SNX19: variants seen among roughly 807,000 people sequenced by gnomAD.
The protein encoded by SNX19 is sorting nexin 19, also known as sorting nexin-19.
In SNX19, 60 loss-of-function variants were observed where a neutral mutation model predicts 85.2. That is an observed-to-expected ratio of 0.70 (90% CI 0.57 to 0.87). SNX19 has a LOEUF of 0.87. Among genes scored for constraint, SNX19 ranks in the 40% least tolerant of loss-of-function variants. The probability of loss-of-function intolerance (pLI) is 0.00; values close to 1 mark genes in which losing one functional copy is unlikely to be tolerated. For synonymous variants in SNX19, 520 were observed against 470.0 expected, an observed-to-expected ratio of 1.11 and a Z score of -1.38; for missense variants, 1,201 against 1,217.8, an observed-to-expected ratio of 0.99 and a Z score of 0.21.
intron 10 of SNX19, among the ~76,000 whole-genome samples, 190 bp downstream of exon 10, chr11:130,879,434 G>A (rs1306912501): frequency 7.2e-6 from 1 of 138,126 alleles, no homozygotes; most frequent in Non-Finnish European, 1.5e-5. Context: ...CTGCTCAGAA[G>A]CCTGATGGTG....
At chr11:130,914,187 C>T (rs1425501283) in intron 1 of SNX19, 79 bp downstream of exon 1, 1 of 1,234,920 alleles carries the variant, frequency 8.1e-7, no homozygotes, top group Non-Finnish European at 1.1e-6. Flanking sequence ...GCATCTCTCC[C>T]CCAAGAACAT....
chr11:130,912,614 G>C (rs1443041894), intron 1 of SNX19, among the ~76,000 whole-genome samples: 1 of 152,148 alleles, frequency 6.6e-6, no homozygotes, highest in Admixed American at 6.5e-5. Flanking sequence ...GCAAGAGGTG[G>C]AAAAAACTAC....
In SNX19 at chr11:130,879,645, A is replaced by G. The variant is rs1302603982; in HGVS notation, c.2825T>C (p.Leu942Pro). 3 of 1,613,812 alleles carry G rather than the reference A, an allele frequency of 1.9e-6. No individual in the cohort carries two copies. The highest frequency in any genetic ancestry group is 2.5e-6 in the Non-Finnish European group (3 of 1,179,894). ...TTACCTGTTGATGAGGGGTTGTTGTAGTGACTCCAGGACTAGACCCCAGCT... is the reference window on the plus strand; with the variant it reads ...TTACCTGTTGATGAGGGGTTGTTGTGGTGACTCCAGGACTAGACCCCAGCT... ...RLSWGLVLES[L>P]QQPLINRHLI... Residue 942 changes from leucine to proline, a missense_variant, in exon 10 of 11, where the codon CTA (leucine) becomes CCA (proline). Physicochemically the swap from Leu to Pro is moderately conservative, Grantham distance 98. Around this residue, in one of 3 missense-constraint regions of SNX19, gnomAD observed 285 missense variants for 295.3 expected, o/e 0.97. Transcript: ENST00000265909.
At position 130,866,503 on chromosome 11, in the gene SNX19, G is replaced by C. The variant is rs1407918497; in HGVS notation, c.*11919C>G. On this transcript the variant is annotated 3_prime_UTR_variant, in exon 11 of 11. Transcript: ENST00000265909. Reference sequence around the variant, plus strand: ...CCATTGCAATGAGTTACCCAATCAAGCCCTTTTACCTCCTTAAGATGGCAG... The same window carrying C: ...CCATTGCAATGAGTTACCCAATCAACCCCTTTTACCTCCTTAAGATGGCAG... 1 of 152,186 alleles carries C rather than the reference G, an allele frequency of 6.6e-6. No homozygotes were observed. The highest frequency in any genetic ancestry group is 1.9e-4 in the East Asian group (1 of 5,198). The allele number at this position is 152,186 out of a possible 1,614,324, so 9.4% of individuals were successfully genotyped here. A position where few individuals can be genotyped will look rare whatever the true frequency, so the allele number is the denominator to read the frequency against.
Position 130,869,443 on chromosome 11 carries a change from A to G in SNX19, c.*8979T>C, listed in dbSNP as rs958879605. The G allele has an allele frequency of 1.3e-5, 2 of 152,330 alleles. No individual in the cohort carries two copies. The highest frequency in any genetic ancestry group is 4.1e-4 in the South Asian group (2 of 4,824). The allele number at this position is 152,330 out of a possible 1,614,324, so 9.4% of individuals were successfully genotyped here. On this transcript the variant is annotated 3_prime_UTR_variant, in exon 11 of 11. Coordinates refer to ENST00000265909, the MANE Select transcript of SNX19 (RefSeq NM_014758.3). ...TCAGTATTTTCTCATCAGTTTTCAG[A>G]AAGTTTTTCGAGGATAAACTTGTAG...
chr11:130,884,421 G>A (rs530324202), intron 8 of SNX19, among the ~76,000 whole-genome samples: 1 of 152,168 alleles, frequency 6.6e-6, no homozygotes, highest in African/African-American at 2.4e-5. Context: ...AAGTGGAAGG[G>A]ATGGAATTTA....
At chr11:130,906,179 G>C in intron 6 of SNX19, 46 bp from the exon 7 acceptor site, 1 of 1,584,842 alleles carries the variant, frequency 6.3e-7, no homozygotes, top group South Asian at 1.2e-5. Context: ...GCTGACAGTA[G>C]GGGAGCAAAT....
In SNX19 at chr11:130,915,617, ATCT is replaced by A. The variant is rs1358742259; in HGVS notation, c.320_322del (p.Gln107_Met108delinsLeu). 1.2e-6 allele frequency: 2 copies of A among 1,614,088 alleles called. No individual in the cohort carries two copies. The highest frequency in any genetic ancestry group is 1.7e-6 in the Non-Finnish European group (2 of 1,180,032). On this transcript the variant is annotated inframe_deletion, in exon 1 of 11. Transcript: ENST00000265909. ...AGATAACACAAAATCTCGAATAATC[ATCT>A]GGATGGTGCGGTTGATCTCCCGTTC...
intron 6 of SNX19, 48 bp from the exon 7 acceptor site, chr11:130,906,181 G>A (rs768258102): frequency 6.3e-6 from 10 of 1,580,316 alleles, no homozygotes; most frequent in Non-Finnish European, 1.7e-6. Flanking sequence ...TGACAGTAGG[G>A]GAGCAAATGC....
chr11:130,897,254 T>C (rs1258013825), intron 8 of SNX19, among the ~76,000 whole-genome samples: 1 of 152,082 alleles, frequency 6.6e-6, no homozygotes, highest in East Asian at 1.9e-4. Flanking sequence ...CTCTGGATAC[T>C]TCCTAACTTT....
At chr11:130,900,700 A>G (rs1230039943) in intron 8 of SNX19, among the ~76,000 whole-genome samples, 1 of 152,140 alleles carries the variant, frequency 6.6e-6, no homozygotes, top group African/African-American at 2.4e-5. Context: ...TCGTGTTCTG[A>G]AACCAATCTG....
intron 8 of SNX19, among the ~76,000 whole-genome samples, chr11:130,902,180 T>A (rs1315353165): frequency 6.6e-6 from 1 of 152,246 alleles, no homozygotes; most frequent in Non-Finnish European, 1.5e-5. Context: ...TATTTTCTCA[T>A]TCTGTAAAAT....
rs1489416110 is a variant in SNX19, at chr11:130,916,146, C to T, written c.-207G>A. The T allele has an allele frequency of 2.7e-5, 16 of 584,184 alleles. No homozygotes were observed. In the South Asian group the frequency reaches 2.8e-4, roughly 10 times the overall value. 36.2% of individuals were successfully genotyped at this position (584,184 alleles called of 1,614,324 possible). A position where few individuals can be genotyped will look rare whatever the true frequency, so the allele number is the denominator to read the frequency against. Reference sequence around the variant, plus strand: ...TCCCCATGGCTACCACTAACAGAGCCCTCCAACTCGCCCCTTCCAGCTGAG... The same window carrying T: ...TCCCCATGGCTACCACTAACAGAGCTCTCCAACTCGCCCCTTCCAGCTGAG... On this transcript the variant is annotated 5_prime_UTR_variant, in exon 1 of 11. Transcript: ENST00000265909.
At chr11:130,914,185 C>T in intron 1 of SNX19, 81 bp downstream of exon 1, 2 of 1,199,682 alleles carry the variant, frequency 1.7e-6, no homozygotes, top group Non-Finnish European at 2.3e-6. Context: ...CAGCATCTCT[C>T]CCCCAAGAAC....
Position 130,908,066 on chromosome 11 carries a change from A to G in SNX19, c.2052T>C (p.Ile684=), listed in dbSNP as rs1369609867. 6.2e-7 allele frequency: 1 copy of G among 1,613,974 alleles called. No homozygotes were observed. Among genetic ancestry groups the G allele is most frequent in the East Asian group, 2.2e-5 (1 of 44,886 alleles). The change falls in exon 5 of 11, where the codon ATT becomes ATC. Residue 684 remains isoleucine (I), a synonymous_variant. Coordinates refer to ENST00000265909, the MANE Select transcript of SNX19 (RefSeq NM_014758.3). ...SRIDKMVVSA[I]VDTLKTAFPR... ...GAAACGCTGTCTTCAAGGTGTCCAC[A>G]ATGGCACTCACCACCATCTGCAGGG... is the stretch of plus-strand genomic sequence containing the variant.
Position 130,869,159 on chromosome 11 carries a change from A to G in SNX19, c.*9263T>C, listed in dbSNP as rs11222365. ...GAAGACAGACCAACAGGCAAACCCT[A>G]AGGGCGGGTTAGAAAGAAGCTTGAC... On this transcript the variant is annotated 3_prime_UTR_variant, in exon 11 of 11. Coordinates refer to ENST00000265909, the MANE Select transcript of SNX19 (RefSeq NM_014758.3). 0.026 allele frequency: 4,030 copies of G among 152,368 alleles called. 84 individuals carry two copies. Among genetic ancestry groups the G allele is most frequent in the South Asian group, 0.076 (368 of 4,828 alleles). 9.4% of individuals were successfully genotyped at this position (152,368 alleles called of 1,614,324 possible).
chr11:130,907,765 C>T (rs1304745681), intron 5 of SNX19, among the ~76,000 whole-genome samples, 188 bp downstream of exon 5: 3 of 152,174 alleles, frequency 2.0e-5, no homozygotes, highest in Non-Finnish European at 4.4e-5. Flanking sequence ...AGCAGTGCTG[C>T]CTCTGCAGCA....
At position 130,878,569 on chromosome 11, in the gene SNX19, CA is replaced by C. The variant is rs747102458; in HGVS notation, c.2847-16del. On this transcript the variant is annotated splice_polypyrimidine_tract_variant and intron_variant, in intron 10 of 10. Transcript: ENST00000265909. ...AAATCAAATGCCTGAAACGAATGGA[CA>C]AAAAACTTAGGGTCTGGCTCAATCA... The C allele has an allele frequency of 2.5e-6, 4 of 1,609,818 alleles. No homozygotes were observed. The highest frequency in any genetic ancestry group is 3.4e-6 in the Non-Finnish European group (4 of 1,178,210).
intron 7 of SNX19, 65 bp downstream of exon 7, chr11:130,905,888 C>A (rs1486295165): frequency 1.9e-6 from 3 of 1,613,242 alleles, no homozygotes; most frequent in Non-Finnish European, 2.5e-6. Context: ...CTCCAACTAC[C>A]CCAAGTACCA....
Sources: allele counts gnomAD v4.1 joint callset (sites outside exome capture counted in the v4.1 genomes callset), GRCh38; gene constraint gnomAD v4.1.1; regional missense constraint gnomAD v4.1.1; transcripts MANE v1.5; gene names NCBI Gene and HGNC (gene_info 2026-07-23, HGNC 2026-07-21).